Variants in DNAH7 observed in about 807,000 individuals in gnomAD.
DNAH7 encodes the protein dynein axonemal heavy chain 7.
In DNAH7, 397 loss-of-function variants were observed where a neutral mutation model predicts 444.6. The ratio of observed to expected loss-of-function variants is 0.89; its 90% confidence interval spans 0.82 to 0.97. The LOEUF (loss-of-function observed/expected upper bound fraction) is 0.97, where lower values mean the gene tolerates loss of function less well. DNAH7 is among the 50% of genes least tolerant of loss of function. DNAH7 has a pLI of 0.00. For missense variants in DNAH7, 4,902 were observed against 4,800.8 expected, an observed-to-expected ratio of 1.02 and a Z score of -0.62; for synonymous variants, 1,636 against 1,624.4, an observed-to-expected ratio of 1.01 and a Z score of -0.17.
At chr2:196,029,333 C>T (rs936496025) in intron 5 of DNAH7, among the ~76,000 whole-genome samples, 1 of 151,904 alleles carries the variant, frequency 6.6e-6, no homozygotes, top group Non-Finnish European at 1.5e-5. Flanking sequence ...TCAAACAAAC[C>T]TCATTCTCTG....
At chr2:195,815,241 A>G (rs143034499) in intron 51 of DNAH7, among the ~76,000 whole-genome samples, 317 of 152,124 alleles carry the variant, frequency 2.1e-3, no homozygotes, top group African/African-American at 7.0e-3. Flanking sequence ...TAAACTAAAC[A>G]TTTTCAAATA....
chr2:196,037,837 A>G (rs1217173365), intron 5 of DNAH7, among the ~76,000 whole-genome samples: 1 of 152,166 alleles, frequency 6.6e-6, no homozygotes, highest in African/African-American at 2.4e-5. Context: ...TAATAACTGA[A>G]AACTTCCCAA....
intron 33 of DNAH7, 39 bp from the exon 34 acceptor site, chr2:195,886,311 T>G (rs1208797296): frequency 6.3e-7 from 1 of 1,577,090 alleles, no homozygotes; most frequent in South Asian, 1.1e-5. Flanking sequence ...ACAATTTAAA[T>G]TAGGTAATAG....
chr2:195,935,855 G>C (rs1411094511), intron 20 of DNAH7, among the ~76,000 whole-genome samples: 2 of 152,108 alleles, frequency 1.3e-5, no homozygotes, highest in Non-Finnish European at 2.9e-5. Flanking sequence ...CCAGGCAAGA[G>C]AACAGTACAC....
At chr2:195,964,072 A>C (rs925801923) in intron 17 of DNAH7, among the ~76,000 whole-genome samples, 1 of 152,158 alleles carries the variant, frequency 6.6e-6, no homozygotes, top group East Asian at 1.9e-4. Flanking sequence ...TTTTTGTTCA[A>C]GATAGCTTTG....
In DNAH7 at chr2:195,864,279, T is replaced by C. The variant is rs765886632; in HGVS notation, c.7376A>G (p.Asn2459Ser). Residue 2459 changes from asparagine to serine, a missense_variant, in exon 41 of 65, where the codon AAC (asparagine) becomes AGC (serine). Physicochemically the swap from Asn to Ser is conservative, Grantham distance 46 (BLOSUM62 1). Coordinates refer to ENST00000312428, the MANE Select transcript of DNAH7 (RefSeq NM_018897.3). ...GCTGCGGCAATGATCAATAAACATG[T>C]TGAAAAGGGCTATGGGGCTGCCATC... ...QTDGSPIALFNMFIDHCRSQL... is the reference protein window; with the variant it reads ...QTDGSPIALFSMFIDHCRSQL... 1.7e-5 allele frequency: 27 copies of C among 1,614,162 alleles called. No homozygotes were observed. The highest frequency in any genetic ancestry group is 3.3e-4 in the Middle Eastern group (2 of 6,060).
intron 58 of DNAH7, among the ~76,000 whole-genome samples, chr2:195,779,896 C>T (rs1452693860): frequency 2.6e-5 from 4 of 152,210 alleles, no homozygotes; most frequent in African/African-American, 9.6e-5. Context: ...TGAACCACTG[C>T]ACCCTGCCCT....
At chr2:195,895,866 A>T (rs964661557) in intron 29 of DNAH7, among the ~76,000 whole-genome samples, 1 of 152,134 alleles carries the variant, frequency 6.6e-6, no homozygotes, top group South Asian at 2.1e-4. Flanking sequence ...TGAGATTCAA[A>T]CATGTCACAG....
In DNAH7 at chr2:195,942,195, C is replaced by T. The variant is rs538934708; in HGVS notation, c.3079-5403G>A. ...GTGGGTTAATTTCAAATAGGATGTT[C>T]GATGTGAGCCTCTTTATAAAGGTAA... On this transcript the variant is annotated intron_variant, in intron 19 of 64. Transcript: ENST00000312428. Among the ~76,000 whole-genome samples the T allele has an allele frequency of 2.6e-5, 4 of 152,020 alleles. No individual in the cohort carries two copies. The South Asian group carries it at 6.2e-4, about 24-fold the overall frequency.
At chr2:195,784,941 C>T (rs1444996069) in intron 58 of DNAH7, among the ~76,000 whole-genome samples, 1 of 144,722 alleles carries the variant, frequency 6.9e-6, no homozygotes, top group African/African-American at 2.6e-5. Context: ...GATGGAGTCT[C>T]GCTCTGTCAC....
chr2:195,984,367 G>T (rs544385709), intron 15 of DNAH7, among the ~76,000 whole-genome samples: 6 of 151,490 alleles, frequency 4.0e-5, no homozygotes, highest in Non-Finnish European at 7.4e-5. Context: ...TATTTTTTTT[G>T]AGACAGAGTA....
At chr2:195,991,754 T>C (rs1305517706) in intron 12 of DNAH7, among the ~76,000 whole-genome samples, 17 of 152,346 alleles carry the variant, frequency 1.1e-4, no homozygotes. Flanking sequence ...CCATACAATA[T>C]GTGAGCTTTA....
rs141001277 is a variant in DNAH7, at chr2:195,836,493, T to A, written c.8946-2133A>T. On this transcript the variant is annotated intron_variant, in intron 47 of 64. Coordinates refer to ENST00000312428, the MANE Select transcript of DNAH7 (RefSeq NM_018897.3). ...GCCTGGGTGACAGAGTGAGACCCTG[T>A]CTTAAAAAAAAAAAAAAGAAAGGCT... is the stretch of plus-strand genomic sequence containing the variant. Among the ~76,000 whole-genome samples, 1,354 of 148,906 alleles carry A rather than the reference T, an allele frequency of 9.1e-3. 16 individuals are homozygous for A. Among genetic ancestry groups the A allele is most frequent in the African/African-American group, 0.031 (1,258 of 40,296 alleles).
intron 19 of DNAH7, among the ~76,000 whole-genome samples, chr2:195,953,423 C>T (rs987031006): frequency 2.0e-5 from 3 of 152,204 alleles, no homozygotes; most frequent in Admixed American, 6.5e-5. Flanking sequence ...CAGGGGCCCA[C>T]CTGAGAAGGC....
At chr2:196,063,538 A>T (rs1698249871) in intron 1 of DNAH7, 3 of 152,244 alleles carry the variant, frequency 2.0e-5, no homozygotes, top group Admixed American at 2.0e-4. Flanking sequence ...CAACAAGAAG[A>T]TCCTCTCCAT....
intron 17 of DNAH7, among the ~76,000 whole-genome samples, chr2:195,961,667 T>C (rs770070630): frequency 8.5e-5 from 13 of 152,218 alleles, no homozygotes; most frequent in Non-Finnish European, 1.8e-4. Context: ...TTAGTTAAAA[T>C]AGTTAATGCA....
chr2:195,751,749 G>A (rs1010540116), intron 63 of DNAH7, among the ~76,000 whole-genome samples: 7 of 152,138 alleles, frequency 4.6e-5, no homozygotes, highest in Admixed American at 1.3e-4. Flanking sequence ...GGTGGGCGGC[G>A]GCTAGAACAC....
At chr2:195,764,389 A>G (rs1353294335) in intron 61 of DNAH7, among the ~76,000 whole-genome samples, 1 of 152,118 alleles carries the variant, frequency 6.6e-6, no homozygotes, top group Non-Finnish European at 1.5e-5. Context: ...TCCTAGTTGG[A>G]GCAATCAGAC....
At chr2:195,850,534 G>A (rs1699298963) in intron 46 of DNAH7, among the ~76,000 whole-genome samples, 1 of 152,172 alleles carries the variant, frequency 6.6e-6, no homozygotes, top group Non-Finnish European at 1.5e-5. Context: ...AGTTACCCTG[G>A]AAGAATTGGA....
Sources: gnomAD v4.1 joint callset for allele counts (sites outside exome capture counted in the v4.1 genomes callset) on GRCh38, gnomAD v4.1.1 for gene constraint, MANE v1.5 for transcripts, NCBI Gene and HGNC (gene_info 2026-07-23, HGNC 2026-07-21) for gene names.